PRIMPOL: variants seen among roughly 807,000 people sequenced by gnomAD.
PRIMPOL encodes primase and DNA directed polymerase.
Under a neutral mutation model 63.6 loss-of-function variants are expected in PRIMPOL, and 54 were observed. That is an observed-to-expected ratio of 0.85 (90% CI 0.68 to 1.07). PRIMPOL has a LOEUF of 1.07. PRIMPOL is among the 50% of genes least tolerant of loss of function. The probability of loss-of-function intolerance (pLI) is 0.00; values close to 1 mark genes in which losing one functional copy is unlikely to be tolerated. For synonymous variants in PRIMPOL, 197 were observed against 220.2 expected (o/e 0.89, Z 0.93); for missense variants, 610 against 648.3 (o/e 0.94, Z 0.64).
intron 7 of PRIMPOL, among the ~76,000 whole-genome samples, chr4:184,677,981 C>T (rs1754564700): frequency 6.6e-6 from 1 of 152,190 alleles, no homozygotes; most frequent in Non-Finnish European, 1.5e-5. Flanking sequence ...TACCTGCATC[C>T]AGCTTTTCCA....
Position 184,672,315 on chromosome 4 carries a change from G to T in PRIMPOL, c.699G>T (p.Met233Ile). 4 of 1,614,110 alleles carry T rather than the reference G, an allele frequency of 2.5e-6. No homozygotes were observed. Among genetic ancestry groups the T allele is most frequent in the Non-Finnish European group, 3.4e-6 (4 of 1,180,022 alleles). The change falls in exon 7 of 14, where the codon ATG (methionine) becomes ATT (isoleucine). Residue 233 changes from methionine (M) to isoleucine (I), a missense_variant. By Grantham distance (10) the Met-to-Ile change is conservative. Around this residue, in one of 3 missense-constraint regions of PRIMPOL, gnomAD observed 444 missense variants for 456.4 expected, o/e 0.97. Transcript: ENST00000314970. ...GACAAGGATTTTCTTTCAATAAAAT[G>T]TTCACAGAAAAGGCTACAGAGGAAA... is the stretch of plus-strand genomic sequence containing the variant. ...PARQGFSFNK[M>I]FTEKATEESW...
intron 8 of PRIMPOL, 142 bp downstream of exon 8, chr4:184,678,536 T>TC (rs1479168716): frequency 9.4e-5 from 60 of 638,694 alleles, no homozygotes; most frequent in Non-Finnish European, 1.4e-4. Context: ...TTTTTTTTTT[T>TC]TTTTTTTTTG....
In PRIMPOL at chr4:184,657,276, C is replaced by T. The variant is rs1230880639; in HGVS notation, c.136C>T (p.His46Tyr). 6.2e-7 allele frequency: 1 copy of T among 1,613,176 alleles called. No homozygotes were observed. The highest frequency in any genetic ancestry group is 1.7e-5 in the Admixed American group (1 of 59,824). Residue 46 changes from histidine to tyrosine, a missense_variant, in exon 3 of 14, where the codon CAT becomes TAT. By Grantham distance (83) the His-to-Tyr change is moderately conservative. Coordinates refer to ENST00000314970, the MANE Select transcript of PRIMPOL (RefSeq NM_152683.4). ...EEPPSIWRLF[H>Y]RQAQAFNFVK... Reference sequence around the variant, plus strand: ...ACCACCCTCCATCTGGAGACTATTTCATCGACAAGCTCAAGCTTTTAATTT... The same window carrying T: ...ACCACCCTCCATCTGGAGACTATTTTATCGACAAGCTCAAGCTTTTAATTT...
At position 184,664,379 on chromosome 4, in the gene PRIMPOL, G is replaced by A. The variant is rs149085937; in HGVS notation, c.409-1538G>A. Among the ~76,000 whole-genome samples, 311 of 152,332 alleles carry A rather than the reference G, an allele frequency of 2.0e-3. 9 individuals carry two copies. The East Asian group carries it at 0.051, about 25-fold the overall frequency. Reference sequence around the variant, plus strand: ...TTTGTAGTCTAATGGAGGATAATACGTTAGGATAGATTTAGCTGCCATAAT... The same window carrying A: ...TTTGTAGTCTAATGGAGGATAATACATTAGGATAGATTTAGCTGCCATAAT... On this transcript the variant is annotated intron_variant, in intron 5 of 13. Coordinates refer to ENST00000314970, the MANE Select transcript of PRIMPOL (RefSeq NM_152683.4).
intron 11 of PRIMPOL, among the ~76,000 whole-genome samples, chr4:184,687,625 GT>G: frequency 6.6e-6 from 1 of 151,732 alleles, no homozygotes; most frequent in Non-Finnish European, 1.5e-5. Context: ...CTTTTCTTTT[GT>G]TTTTTGAGAC....
intron 8 of PRIMPOL, 30 bp from the exon 9 acceptor site, chr4:184,682,218 C>T (rs761203310): frequency 1.1e-5 from 13 of 1,224,138 alleles, no homozygotes; most frequent in Non-Finnish European, 1.6e-5. Context: ...TGTGATGGTG[C>T]TTTGTTTCTT....
intron 13 of PRIMPOL, among the ~76,000 whole-genome samples, chr4:184,693,742 T>C (rs1759664834): frequency 6.7e-6 from 1 of 149,938 alleles, no homozygotes; most frequent in Non-Finnish European, 1.5e-5. Context: ...CTCCCTCTAC[T>C]GTATACATAC....
At chr4:184,669,576 G>A (rs894555620) in intron 6 of PRIMPOL, among the ~76,000 whole-genome samples, 1 of 152,238 alleles carries the variant, frequency 6.6e-6, no homozygotes, top group Non-Finnish European at 1.5e-5. Flanking sequence ...GGAAGAAGGA[G>A]AGAATAGAAA....
intron 13 of PRIMPOL, 45 bp from the exon 14 acceptor site, chr4:184,694,477 A>C (rs377613591): frequency 2.5e-6 from 4 of 1,584,760 alleles, no homozygotes; most frequent in Admixed American, 1.8e-5. Context: ...TCCTGAGTAA[A>C]TATTTTCCTA....
intron 11 of PRIMPOL, among the ~76,000 whole-genome samples, chr4:184,688,312 T>G (rs59516600): frequency 0.016 from 2,449 of 152,348 alleles, 59 homozygotes; most frequent in African/African-American, 0.051. Flanking sequence ...CTGTTCCATA[T>G]TCTCACCAAC....
chr4:184,661,003 A>G (rs1163669730), intron 4 of PRIMPOL, among the ~76,000 whole-genome samples: 1 of 152,228 alleles, frequency 6.6e-6, no homozygotes, highest in Non-Finnish European at 1.5e-5. Flanking sequence ...AAGTCAGGTG[A>G]TTCAGAATTT....
chr4:184,685,274 A>G, intron 9 of PRIMPOL, 135 bp from the exon 10 acceptor site: 2 of 648,046 alleles, frequency 3.1e-6, no homozygotes, highest in South Asian at 1.8e-5. Flanking sequence ...ACAAACATGA[A>G]TTGACTGAAA....
intron 7 of PRIMPOL, among the ~76,000 whole-genome samples, chr4:184,675,515 A>G (rs879898169): frequency 1.3e-5 from 2 of 152,150 alleles, no homozygotes. Context: ...AAGTCCCCCC[A>G]AAATTTTCCA....
At chr4:184,690,974 GTGA>G (rs1261801203) in intron 11 of PRIMPOL, among the ~76,000 whole-genome samples, 9 of 152,154 alleles carry the variant, frequency 5.9e-5, no homozygotes, top group East Asian at 1.9e-4. Flanking sequence ...TCTGTATGAA[GTGA>G]TGATTTTAAA....
chr4:184,651,226 G>C (rs61684861), intron 1 of PRIMPOL, among the ~76,000 whole-genome samples: 6,485 of 151,728 alleles, frequency 0.043, 496 homozygotes, highest in African/African-American at 0.15. Flanking sequence ...GGGAGGCAGA[G>C]GTTGCAGTGA....
intron 6 of PRIMPOL, among the ~76,000 whole-genome samples, chr4:184,670,543 TAA>T (rs1560995530): frequency 1.3e-5 from 2 of 148,920 alleles, no homozygotes. Context: ...AGTAGGAAAG[TAA>T]TTTTTTTTTT....
chr4:184,661,672 G>A, intron 4 of PRIMPOL, 102 bp from the exon 5 acceptor site: 1 of 729,746 alleles, frequency 1.4e-6, no homozygotes, highest in South Asian at 2.1e-5. Flanking sequence ...CACCACTGCA[G>A]TCCAGCCTGG....
chr4:184,672,497 C>A, intron 7 of PRIMPOL, 37 bp downstream of exon 7: 1 of 1,553,586 alleles, frequency 6.4e-7, no homozygotes. Context: ...TCAGACCGCC[C>A]TGGTGCTTTC....
chr4:184,693,749 A>G (rs2696032), intron 13 of PRIMPOL, among the ~76,000 whole-genome samples: 146,439 of 152,260 alleles, frequency 0.96, 70,663 homozygotes, highest in East Asian at 1. Context: ...TACTGTATAC[A>G]TACGCATTAT....
Sources: allele counts gnomAD v4.1 joint callset (sites outside exome capture counted in the v4.1 genomes callset), GRCh38; gene constraint gnomAD v4.1.1; regional missense constraint gnomAD v4.1.1; transcripts MANE v1.5; gene names NCBI Gene and HGNC (gene_info 2026-07-23, HGNC 2026-07-21).